Variants in HSD11B1 observed in about 807,000 individuals in gnomAD.
HSD11B1 encodes the protein 11-beta-hydroxysteroid dehydrogenase 1.
HSD11B1 carries 15 observed loss-of-function variants against 22.1 expected under a neutral mutation model. That is an observed-to-expected ratio of 0.68 (90% CI 0.45 to 1.04). The LOEUF (loss-of-function observed/expected upper bound fraction) is 1.04. Among genes scored for constraint, HSD11B1 ranks in the 50% least tolerant of loss-of-function variants. The pLI is 0.00. For synonymous variants in HSD11B1, 122 were observed against 125.2 expected (o/e 0.97, Z 0.17); for missense variants, 281 against 357.6 (o/e 0.79, Z 1.73).
At chr1:209,733,850 G>A (rs2077050229) in intron 5 of HSD11B1, among the ~76,000 whole-genome samples, 1 of 152,134 alleles carries the variant, frequency 6.6e-6, no homozygotes, top group African/African-American at 2.4e-5. Context: ...GTGGTGACAA[G>A]GGAGCAAAAG....
intron 1 of HSD11B1, among the ~76,000 whole-genome samples, chr1:209,688,521 T>C (rs1263050023): frequency 3.3e-5 from 5 of 152,198 alleles, no homozygotes; most frequent in Admixed American, 1.3e-4. Flanking sequence ...CAGAGATGTA[T>C]TAGTGCTCAG....
At chr1:209,721,614 C>T (rs2076967845) in intron 4 of HSD11B1, among the ~76,000 whole-genome samples, 2 of 152,128 alleles carry the variant, frequency 1.3e-5, no homozygotes, top group African/African-American at 4.8e-5. Context: ...CTGCAGTTCC[C>T]TTTGTGTGAG....
intron 4 of HSD11B1, among the ~76,000 whole-genome samples, chr1:209,708,267 C>T (rs1186315072): frequency 6.6e-6 from 1 of 152,190 alleles, no homozygotes; most frequent in Non-Finnish European, 1.5e-5. Flanking sequence ...GGATCAAAAT[C>T]CGCCATCTAA....
At chr1:209,688,375 T>C (rs2076740120) in intron 1 of HSD11B1, among the ~76,000 whole-genome samples, 1 of 152,140 alleles carries the variant, frequency 6.6e-6, no homozygotes, top group African/African-American at 2.4e-5. Flanking sequence ...TCTACACACA[T>C]TCCTATTATA....
upstream of HSD11B1, chr1:209,704,834 G>C: frequency 4.9e-6 from 4 of 818,322 alleles, no homozygotes; most frequent in Non-Finnish European, 2.1e-6. Context: ...AGCCTCCCCC[G>C]TCCCTGATGT....
chr1:209,693,143 T>C (rs948404593), intron 1 of HSD11B1, among the ~76,000 whole-genome samples: 1 of 152,186 alleles, frequency 6.6e-6, no homozygotes, highest in African/African-American at 2.4e-5. Flanking sequence ...ATCTAGAAAT[T>C]CTCGTTCAGT....
chr1:209,699,561 G>A (rs1253744641), intron 1 of HSD11B1, among the ~76,000 whole-genome samples: 1 of 152,082 alleles, frequency 6.6e-6, no homozygotes, highest in Non-Finnish European at 1.5e-5. Flanking sequence ...CACAATTCAA[G>A]CTGAGATTTG....
intron 1 of HSD11B1, among the ~76,000 whole-genome samples, chr1:209,687,465 T>C (rs1392914279): frequency 6.6e-6 from 1 of 152,230 alleles, no homozygotes; most frequent in Admixed American, 6.5e-5. Context: ...TCCTAGCTCT[T>C]TCTTTATACT....
At chr1:209,697,274 A>T (rs560610200) in intron 1 of HSD11B1, among the ~76,000 whole-genome samples, 15 of 152,306 alleles carry the variant, frequency 9.8e-5, no homozygotes, top group African/African-American at 3.6e-4. Flanking sequence ...TGTGCAAAGA[A>T]TGTTCTACAA....
intron 4 of HSD11B1, among the ~76,000 whole-genome samples, chr1:209,712,453 C>T (rs1475222002): frequency 6.6e-6 from 1 of 152,054 alleles, no homozygotes; most frequent in South Asian, 2.1e-4. Flanking sequence ...GCATAGGCAC[C>T]AAATTAGGTA....
chr1:209,689,429 G>A (rs1282483428), intron 1 of HSD11B1, among the ~76,000 whole-genome samples: 1 of 152,170 alleles, frequency 6.6e-6, no homozygotes, highest in Non-Finnish European at 1.5e-5. Flanking sequence ...GCTTCCAACA[G>A]CCAAGGAAGA....
At chr1:209,723,875 G>C (rs1366979211) in intron 4 of HSD11B1, among the ~76,000 whole-genome samples, 6 of 152,234 alleles carry the variant, frequency 3.9e-5, no homozygotes, top group Non-Finnish European at 8.8e-5. Flanking sequence ...TTTGGTGGAT[G>C]ATCAAATCTG....
chr1:209,723,059 A>C (rs898290093), intron 4 of HSD11B1, among the ~76,000 whole-genome samples: 11 of 152,166 alleles, frequency 7.2e-5, no homozygotes, highest in Non-Finnish European at 1.5e-4. Context: ...TTTCTGGGAC[A>C]GAGCTAATTA....
intron 4 of HSD11B1, among the ~76,000 whole-genome samples, chr1:209,727,910 C>G (rs973545821): frequency 1.3e-5 from 2 of 152,174 alleles, no homozygotes; most frequent in Admixed American, 1.3e-4. Context: ...CAAAATCCAA[C>G]AGCAGCAATC....
intron 4 of HSD11B1, chr1:209,724,208 C>T (rs1445196818): frequency 6.6e-6 from 1 of 152,220 alleles, no homozygotes; most frequent in Non-Finnish European, 1.5e-5. Flanking sequence ...TGCCCATAGC[C>T]ATGGCCTCTC....
At chr1:209,713,721 T>G (rs963461113) in intron 4 of HSD11B1, among the ~76,000 whole-genome samples, 1 of 152,200 alleles carries the variant, frequency 6.6e-6, no homozygotes, top group African/African-American at 2.4e-5. Context: ...TTATAATACC[T>G]AATACAATGT....
At chr1:209,697,995 G>A (rs75482136) in intron 1 of HSD11B1, among the ~76,000 whole-genome samples, 14,657 of 141,342 alleles carry the variant, frequency 0.1, 1,515 homozygotes, top group African/African-American at 0.27. Flanking sequence ...CTCCCCAGTG[G>A]CTGGGATTAC....
At chr1:209,696,837 G>A (rs1353615264) in intron 1 of HSD11B1, among the ~76,000 whole-genome samples, 1 of 152,214 alleles carries the variant, frequency 6.6e-6, no homozygotes, top group Non-Finnish European at 1.5e-5. Flanking sequence ...TAACATTGCT[G>A]GGCATAGCTC....
chr1:209,712,164 A>G (rs4844488), intron 4 of HSD11B1, among the ~76,000 whole-genome samples: 9,269 of 152,278 alleles, frequency 0.061, 679 homozygotes, highest in East Asian at 0.29. Flanking sequence ...AGGTCTTAAG[A>G]AAAGGAGAAT....
Sources: gnomAD v4.1 joint callset for allele counts (sites outside exome capture counted in the v4.1 genomes callset) on GRCh38, gnomAD v4.1.1 for gene constraint, MANE v1.5 for transcripts, NCBI Gene and HGNC (gene_info 2026-07-23, HGNC 2026-07-21) for gene names.